Variants in ATP10B observed in about 807,000 individuals in gnomAD.
ATP10B encodes the protein ATPase phospholipid transporting 10B (putative).
A neutral mutation model predicts 141.2 loss-of-function variants in ATP10B; 122 were observed. The observed-to-expected ratio is 0.86, with a 90% CI of 0.75 to 1.00. The LOEUF (loss-of-function observed/expected upper bound fraction) is 1.00, where lower values mean the gene tolerates loss of function less well. Ranked by LOEUF, ATP10B falls within the 50% of genes least tolerant of loss-of-function variation. The pLI, the probability that ATP10B is intolerant of heterozygous loss-of-function variation, is 0.00. For synonymous variants in ATP10B, 685 were observed against 692.0 expected (o/e 0.99, Z 0.16); for missense variants, 1,876 against 1,825.3 (o/e 1.03, Z -0.51).
chr5:160,820,167 A>G (rs966906243), intron 1 of ATP10B, among the ~76,000 whole-genome samples: 1 of 151,834 alleles, frequency 6.6e-6, no homozygotes, highest in East Asian at 1.9e-4. Context: ...GGAAGACTCA[A>G]ATAAAATCAG....
chr5:160,569,842 C>T (rs908819168), intron 24 of ATP10B, among the ~76,000 whole-genome samples, 159 bp from the exon 25 acceptor site: 1 of 152,150 alleles, frequency 6.6e-6, no homozygotes, highest in African/African-American at 2.4e-5. Context: ...ATAAAGCAAA[C>T]ACCAGATTGC....
the ATP10B span, among the ~76,000 whole-genome samples, chr5:160,878,710 C>T: frequency 6.6e-6 from 1 of 152,156 alleles, no homozygotes; most frequent in African/African-American, 2.4e-5. Context: ...ACAACCCCAT[C>T]AAAAAGTGGG....
chr5:160,718,152 T>C (rs1765769209), intron 2 of ATP10B, among the ~76,000 whole-genome samples: 1 of 152,252 alleles, frequency 6.6e-6, no homozygotes. Flanking sequence ...AGCAATGTAC[T>C]TGAGGTAGAA....
intron 11 of ATP10B, among the ~76,000 whole-genome samples, chr5:160,634,929 C>T (rs921776222): frequency 3.3e-5 from 5 of 152,166 alleles, no homozygotes; most frequent in African/African-American, 1.2e-4. Context: ...AGGGCTGCTG[C>T]CCGCTTTTAT....
At chr5:160,811,072 A>T (rs550565017) in intron 1 of ATP10B, among the ~76,000 whole-genome samples, 2 of 152,338 alleles carry the variant, frequency 1.3e-5, no homozygotes, top group African/African-American at 4.8e-5. Flanking sequence ...ACCCTGGGCC[A>T]GAAGGGAATC....
chr5:160,687,088 T>C, intron 5 of ATP10B: 4 of 337,996 alleles, frequency 1.2e-5, no homozygotes, highest in Non-Finnish European at 1.7e-5. Flanking sequence ...CTCTCTTTCA[T>C]GTTGTACTTC....
At chr5:160,637,000 CCATCAATCCATCCATCTAT>C (rs1759436823) in intron 10 of ATP10B, among the ~76,000 whole-genome samples, 1 of 111,328 alleles carries the variant, frequency 9.0e-6, no homozygotes, top group African/African-American at 3.8e-5. Context: ...ACCCACCCAT[CCATCAATCCATCCATCTAT>C]CCATCCATCC....
At chr5:160,700,690 CCT>C (rs889165269) in intron 3 of ATP10B, among the ~76,000 whole-genome samples, 1 of 152,092 alleles carries the variant, frequency 6.6e-6, no homozygotes, top group African/African-American at 2.4e-5. Context: ...TATTATTTTT[CCT>C]CTTTTATTAG....
intron 16 of ATP10B, among the ~76,000 whole-genome samples, chr5:160,616,188 G>T (rs1757987704): frequency 1.3e-5 from 2 of 152,142 alleles, no homozygotes; most frequent in Non-Finnish European, 2.9e-5. Context: ...CACTGGAGAT[G>T]ATCTGGACAG....
chr5:160,657,100 G>C (rs1015240637), intron 7 of ATP10B, among the ~76,000 whole-genome samples: 1 of 152,162 alleles, frequency 6.6e-6, no homozygotes, highest in Non-Finnish European at 1.5e-5. Context: ...AGGGGTTACA[G>C]GGTAGGCAAA....
chr5:160,689,942 C>G (rs1182572472), intron 3 of ATP10B, among the ~76,000 whole-genome samples: 1 of 151,976 alleles, frequency 6.6e-6, no homozygotes, highest in Non-Finnish European at 1.5e-5. Context: ...CATCATGCTA[C>G]CTGACTTCAA....
intron 1 of ATP10B, among the ~76,000 whole-genome samples, chr5:160,828,534 A>G (rs558356585): frequency 2.6e-5 from 4 of 151,780 alleles, no homozygotes; most frequent in Admixed American, 6.6e-5. Context: ...TTAGAATGGC[A>G]ATCATTAAAA....
At chr5:160,842,808 C>T (rs1263189275) in intron 1 of ATP10B, among the ~76,000 whole-genome samples, 2 of 150,186 alleles carry the variant, frequency 1.3e-5, no homozygotes, top group Non-Finnish European at 3.0e-5. Context: ...TAAAACATTC[C>T]CACACACACA....
intron 2 of ATP10B, among the ~76,000 whole-genome samples, chr5:160,769,883 T>C (rs148836552): frequency 1.0e-3 from 155 of 152,298 alleles, no homozygotes; most frequent in African/African-American, 3.6e-3. Flanking sequence ...GCCCTAATGA[T>C]AAACAAGTCG....
chr5:160,798,742 CTATTT>C (rs1321720447), intron 1 of ATP10B, among the ~76,000 whole-genome samples: 1 of 130,402 alleles, frequency 7.7e-6, no homozygotes, highest in Non-Finnish European at 1.6e-5. Flanking sequence ...GACTTTTTCT[CTATTT>C]TTTTTTTTTT....
chr5:160,615,101 G>A (rs1177204288), intron 17 of ATP10B, among the ~76,000 whole-genome samples: 3 of 152,140 alleles, frequency 2.0e-5, no homozygotes, highest in African/African-American at 7.2e-5. Context: ...GCAAGCAGCA[G>A]TTTTTGTAAA....
chr5:160,641,963 G>T (rs1159845222), intron 9 of ATP10B, among the ~76,000 whole-genome samples: 1 of 152,136 alleles, frequency 6.6e-6, no homozygotes, highest in Non-Finnish European at 1.5e-5. Flanking sequence ...TAGAATTTCT[G>T]CCTGCCTCTC....
At chr5:160,765,808 G>T (rs894153438) in intron 2 of ATP10B, among the ~76,000 whole-genome samples, 2 of 151,974 alleles carry the variant, frequency 1.3e-5, no homozygotes, top group Admixed American at 1.3e-4. Context: ...CTATGCATCT[G>T]ACAAAAAACT....
chr5:160,915,794 C>A, the ATP10B span, among the ~76,000 whole-genome samples: 40 of 152,260 alleles, frequency 2.6e-4, no homozygotes, highest in African/African-American at 9.6e-4. Context: ...AGAGGCAAAA[C>A]AGACATTCGT....
Sources: allele counts gnomAD v4.1 joint callset (sites outside exome capture counted in the v4.1 genomes callset), GRCh38; gene constraint gnomAD v4.1.1; transcripts MANE v1.5; gene names NCBI Gene and HGNC (gene_info 2026-07-23, HGNC 2026-07-21).